Variants in NAV2 observed in about 807,000 individuals in gnomAD.
NAV2 encodes helicase, APC down-regulated 1.
NAV2 carries 54 observed loss-of-function variants against 223.2 expected under a neutral mutation model. That is an observed-to-expected ratio of 0.24 (90% CI 0.19 to 0.30). NAV2 has a LOEUF of 0.30. Among genes scored for constraint, NAV2 ranks in the 10% least tolerant of loss-of-function variants. NAV2 has a pLI of 1.00. For missense variants in NAV2, 2,806 were observed against 3,147.5 expected, an observed-to-expected ratio of 0.89 and a Z score of 2.60; for synonymous variants, 1,279 against 1,239.3, an observed-to-expected ratio of 1.03 and a Z score of -0.67.
At chr11:19,703,855 T>C (rs887827196) in intron 1 of NAV2, among the ~76,000 whole-genome samples, 3 of 152,222 alleles carry the variant, frequency 2.0e-5, no homozygotes, top group Non-Finnish European at 4.4e-5. Flanking sequence ...TCTGATTTCA[T>C]TGGTCCAGGG....
intron 11 of NAV2, among the ~76,000 whole-genome samples, chr11:20,030,102 G>A (rs370646623): frequency 5.3e-5 from 8 of 152,176 alleles, no homozygotes; most frequent in East Asian, 1.9e-4. Flanking sequence ...GGAGGAGGCC[G>A]TGGGGTTGTT....
At chr11:19,712,637 G>C (rs992044333), upstream of NAV2, 1 of 151,500 alleles carries the variant, frequency 6.6e-6, no homozygotes, top group Non-Finnish European at 1.5e-5. Flanking sequence ...GCGCGGCCGG[G>C]GCAGTGCCGC....
intron 1 of NAV2, among the ~76,000 whole-genome samples, chr11:19,723,256 A>G (rs2050918468): frequency 6.6e-6 from 1 of 152,238 alleles, no homozygotes; most frequent in South Asian, 2.1e-4. Context: ...AATCTCATTT[A>G]ATCCTCAAAC....
At chr11:19,960,625 A>ATTTATTTAC (rs1478481496) in intron 10 of NAV2, among the ~76,000 whole-genome samples, 9 of 149,916 alleles carry the variant, frequency 6.0e-5, no homozygotes, top group African/African-American at 2.0e-4. Flanking sequence ...TTATTTATTT[A>ATTTATTTAC]TTTTTTGAGA....
chr11:19,441,263 G>A (rs1317665119), intron 1 of NAV2, among the ~76,000 whole-genome samples: 1 of 152,176 alleles, frequency 6.6e-6, no homozygotes, highest in East Asian at 1.9e-4. Context: ...TCTAGAGCCT[G>A]GAGGAGATTC....
chr11:19,602,235 C>T (rs989358484), intron 1 of NAV2, among the ~76,000 whole-genome samples: 23 of 143,408 alleles, frequency 1.6e-4, no homozygotes, highest in East Asian at 8.1e-4. Context: ...TGGAATGCAG[C>T]GGCGTGACCT....
intron 1 of NAV2, among the ~76,000 whole-genome samples, chr11:19,459,471 G>A (rs1004524136): frequency 3.3e-5 from 5 of 152,186 alleles, no homozygotes; most frequent in African/African-American, 7.2e-5. Flanking sequence ...AATCACTGTG[G>A]CCTGGGGGAG....
chr11:19,451,629 A>T (rs530453435), intron 1 of NAV2, among the ~76,000 whole-genome samples: 1 of 152,322 alleles, frequency 6.6e-6, no homozygotes, highest in Admixed American at 6.5e-5. Flanking sequence ...GAAGTGTAGG[A>T]TGCTAGGAGG....
intron 6 of NAV2, among the ~76,000 whole-genome samples, chr11:19,927,548 A>G (rs1221108919): frequency 6.6e-6 from 1 of 151,914 alleles, no homozygotes; most frequent in East Asian, 1.9e-4. Context: ...CTGGGCAACA[A>G]GAGTGAAACT....
At chr11:20,056,351 C>A (rs2058364599) in intron 19 of NAV2, among the ~76,000 whole-genome samples, 1 of 152,200 alleles carries the variant, frequency 6.6e-6, no homozygotes, top group Admixed American at 6.5e-5. Flanking sequence ...TGCTGACATG[C>A]CCCTGTAGCT....
intron 11 of NAV2, chr11:20,022,449 G>A (rs1277317496): frequency 1.6e-6 from 1 of 626,978 alleles, no homozygotes; most frequent in Admixed American, 6.3e-5. Flanking sequence ...ATTTTTGTTG[G>A]CACTGCATCA....
At chr11:19,423,907 T>C (rs551985409) in intron 1 of NAV2, among the ~76,000 whole-genome samples, 1 of 152,150 alleles carries the variant, frequency 6.6e-6, no homozygotes, top group African/African-American at 2.4e-5. Flanking sequence ...AGCTGAGGCA[T>C]GAGCTGAGAA....
intron 11 of NAV2, among the ~76,000 whole-genome samples, chr11:20,016,982 A>G (rs1007300328): frequency 6.6e-6 from 1 of 152,008 alleles, no homozygotes; most frequent in Non-Finnish European, 1.5e-5. Flanking sequence ...CTCCAGCCTA[A>G]ACAACAGAGC....
intron 10 of NAV2, among the ~76,000 whole-genome samples, chr11:19,972,397 C>T (rs1488000450): frequency 6.6e-6 from 1 of 152,178 alleles, no homozygotes; most frequent in Non-Finnish European, 1.5e-5. Flanking sequence ...CGATAGTCAC[C>T]TAGTTTTGCT....
intron 6 of NAV2, among the ~76,000 whole-genome samples, chr11:19,926,855 A>G (rs2044797161): frequency 6.6e-6 from 1 of 152,160 alleles, no homozygotes; most frequent in Non-Finnish European, 1.5e-5. Flanking sequence ...TGGGATCAAC[A>G]GGACACTCTC....
chr11:19,983,129 C>G (rs1489300182), intron 10 of NAV2, among the ~76,000 whole-genome samples: 2 of 152,050 alleles, frequency 1.3e-5, no homozygotes, highest in African/African-American at 4.8e-5. Flanking sequence ...GCTTTGCCTT[C>G]CTGTTCTCCT....
At chr11:19,414,271 A>C (rs1351079903) in intron 1 of NAV2, among the ~76,000 whole-genome samples, 1 of 152,172 alleles carries the variant, frequency 6.6e-6, no homozygotes, top group Non-Finnish European at 1.5e-5. Flanking sequence ...CAACCAACCA[A>C]ACAAACAAAA....
chr11:19,408,899 A>G (rs956625183), intron 1 of NAV2, among the ~76,000 whole-genome samples: 1 of 151,576 alleles, frequency 6.6e-6, no homozygotes, highest in South Asian at 2.1e-4. Flanking sequence ...TGGGGTTTTA[A>G]GCTGCATGGT....
At chr11:19,735,015 G>A (rs906539697) in intron 1 of NAV2, among the ~76,000 whole-genome samples, 1 of 152,188 alleles carries the variant, frequency 6.6e-6, no homozygotes, top group Non-Finnish European at 1.5e-5. Context: ...CCTTAAACAA[G>A]TCATTTCATT....
Sources: gnomAD v4.1 joint callset for allele counts (sites outside exome capture counted in the v4.1 genomes callset) on GRCh38, gnomAD v4.1.1 for gene constraint, MANE v1.5 for transcripts, NCBI Gene and HGNC (gene_info 2026-07-23, HGNC 2026-07-21) for gene names.